DSCAM: variants seen among roughly 807,000 people sequenced by gnomAD.
DSCAM encodes the protein DS cell adhesion molecule, also known as cell adhesion molecule DSCAM.
A neutral mutation model predicts 217.7 loss-of-function variants in DSCAM; 47 were observed. The ratio of observed to expected loss-of-function variants is 0.22; its 90% CI spans 0.17 to 0.28. DSCAM has a LOEUF of 0.28. DSCAM is among the 10% of genes least tolerant of loss of function. DSCAM has a pLI of 1.00. For synonymous variants in DSCAM, 1,056 were observed against 1,015.3 expected (o/e 1.04, Z -0.76); for missense variants, 2,080 against 2,618.3 (o/e 0.79, Z 4.49).
chr21:40,074,959 T>C (rs2089342835), intron 27 of DSCAM, 78 bp downstream of exon 27: 3 of 1,485,172 alleles, frequency 2.0e-6, no homozygotes, highest in South Asian at 2.6e-5. Context: ...TTGAGGTTTG[T>C]TCTCCAGCTG....
At chr21:40,166,358 C>T (rs1786301982) in intron 16 of DSCAM, among the ~76,000 whole-genome samples, 1 of 152,168 alleles carries the variant, frequency 6.6e-6, no homozygotes, top group Non-Finnish European at 1.5e-5. Flanking sequence ...TGCAATGTTA[C>T]AGAACTTTTG....
chr21:40,193,491 G>A (rs28685784), intron 11 of DSCAM, among the ~76,000 whole-genome samples: 4,580 of 152,172 alleles, frequency 0.03, 89 homozygotes, highest in Middle Eastern at 0.058. Context: ...CTCACGACTG[G>A]GGAATGTGAA....
chr21:40,084,079 C>A (rs924927394), intron 23 of DSCAM, 73 bp from the exon 24 acceptor site: 1 of 1,221,854 alleles, frequency 8.2e-7, no homozygotes, highest in Non-Finnish European at 1.1e-6. Context: ...CAGTCATTTA[C>A]CAACTCATTT....
At chr21:40,498,671 A>T (rs1402167168) in intron 3 of DSCAM, among the ~76,000 whole-genome samples, 2 of 8,038 alleles carry the variant, frequency 2.5e-4, no homozygotes. Flanking sequence ...ATATACCCAT[A>T]TATATATATA....
At chr21:40,584,653 G>A (rs1054590715) in intron 3 of DSCAM, among the ~76,000 whole-genome samples, 12 of 152,200 alleles carry the variant, frequency 7.9e-5, no homozygotes, top group African/African-American at 2.9e-4. Flanking sequence ...GCCCAAACAT[G>A]GCAGCTCCCT....
chr21:40,457,146 G>A (rs1426063858), intron 3 of DSCAM, among the ~76,000 whole-genome samples: 1 of 152,122 alleles, frequency 6.6e-6, no homozygotes, highest in East Asian at 1.9e-4. Flanking sequence ...GTTAATTTGG[G>A]GAGTGGCATA....
At chr21:40,181,507 T>C (rs1292128980) in intron 14 of DSCAM, among the ~76,000 whole-genome samples, 2 of 152,138 alleles carry the variant, frequency 1.3e-5, no homozygotes, top group African/African-American at 2.4e-5. Flanking sequence ...GGTTTTTATT[T>C]CCTTAGTGAA....
intron 3 of DSCAM, among the ~76,000 whole-genome samples, chr21:40,397,559 T>C (rs543118556): frequency 6.6e-6 from 1 of 152,242 alleles, no homozygotes; most frequent in South Asian, 2.1e-4. Context: ...CTTTTCTTTC[T>C]AAATTACCCA....
chr21:40,733,060 A>G (rs2091028693), intron 1 of DSCAM, among the ~76,000 whole-genome samples: 1 of 152,196 alleles, frequency 6.6e-6, no homozygotes, highest in Non-Finnish European at 1.5e-5. Context: ...TACCTTCCTG[A>G]CCTATACAAA....
intron 3 of DSCAM, among the ~76,000 whole-genome samples, chr21:40,392,057 A>G (rs2123756525): frequency 6.6e-6 from 1 of 152,270 alleles, no homozygotes; most frequent in African/African-American, 2.4e-5. Flanking sequence ...AGTCTTTTCA[A>G]AAGTCATTTC....
At chr21:40,380,515 A>C (rs1357467858) in intron 3 of DSCAM, among the ~76,000 whole-genome samples, 1 of 152,178 alleles carries the variant, frequency 6.6e-6, no homozygotes, top group Non-Finnish European at 1.5e-5. Flanking sequence ...CACTCTCATA[A>C]ATGCATTTAC....
chr21:40,837,452 G>T (rs2092066243), intron 1 of DSCAM, among the ~76,000 whole-genome samples: 1 of 152,118 alleles, frequency 6.6e-6, no homozygotes, highest in African/African-American at 2.4e-5. Flanking sequence ...TTTCTACCCA[G>T]ATTTCTATAC....
intron 2 of DSCAM, among the ~76,000 whole-genome samples, chr21:40,706,313 G>C (rs561556970): frequency 6.6e-6 from 1 of 152,318 alleles, no homozygotes; most frequent in Admixed American, 6.5e-5. Context: ...AAGGCAGCCT[G>C]GGTAAGGAGC....
At chr21:40,833,477 A>G (rs796272173) in intron 1 of DSCAM, among the ~76,000 whole-genome samples, 2 of 152,224 alleles carry the variant, frequency 1.3e-5, no homozygotes, top group South Asian at 2.1e-4. Flanking sequence ...AGCGGTTAGC[A>G]CACAGGATTA....
At position 40,591,034 on chromosome 21, in the gene DSCAM, A is replaced by G. The variant is rs759827162; in HGVS notation, c.508+101776T>C. Among the ~76,000 whole-genome samples, 137 of 152,242 alleles carry G rather than the reference A, an allele frequency of 9.0e-4. 2 individuals are homozygous for G. The highest frequency in any genetic ancestry group is 6.8e-3 in the Middle Eastern group (2 of 294). On this transcript the variant is annotated intron_variant, in intron 3 of 32. Transcript: ENST00000400454. ...GTGTCAAGGGAGAGACCAGGTGGAG[A>G]TAATGGAATCATGGGGGCAGTTGCC...
rs762705210 is a variant in DSCAM at position 40,075,026 on chromosome 21, C to T, written c.4888+11G>A. 28 of 1,613,754 alleles carry T rather than the reference C, an allele frequency of 1.7e-5. No individual in the cohort carries two copies. In the South Asian group the frequency reaches 2.9e-4, roughly 16 times the overall value. ...GGACACGCGTAGGTGGACAGCTGGG[C>T]CTGGACCTACCTCGCAGCCTCTTTA... On this transcript the variant is annotated intron_variant, in intron 27 of 32. Transcript: ENST00000400454.
At chr21:40,680,038 C>A (rs766866171) in intron 3 of DSCAM, among the ~76,000 whole-genome samples, 2 of 152,134 alleles carry the variant, frequency 1.3e-5, no homozygotes, top group Non-Finnish European at 2.9e-5. Context: ...AGGACAATGA[C>A]AAACATTAAT....
At chr21:40,705,020 A>G (rs893235405) in intron 2 of DSCAM, among the ~76,000 whole-genome samples, 1 of 152,210 alleles carries the variant, frequency 6.6e-6, no homozygotes, top group Non-Finnish European at 1.5e-5. Context: ...ACTTGATCAG[A>G]TATTAAGAGT....
chr21:40,116,875 G>A (rs548000182), intron 20 of DSCAM, among the ~76,000 whole-genome samples: 31 of 151,158 alleles, frequency 2.1e-4, no homozygotes, highest in African/African-American at 5.6e-4. Context: ...GGTGGCGGGC[G>A]CCTGTAGTCC....
Sources: allele counts gnomAD v4.1 joint callset (sites outside exome capture counted in the v4.1 genomes callset), GRCh38; gene constraint gnomAD v4.1.1; transcripts MANE v1.5; gene names NCBI Gene and HGNC (gene_info 2026-07-23, HGNC 2026-07-21).